CNGA4: variants seen among roughly 807,000 people sequenced by gnomAD.
CNGA4 encodes cyclic nucleotide-gated channel alpha-4.
Under a neutral mutation model 45.6 loss-of-function variants are expected in CNGA4, and 32 were observed. That is an observed-to-expected ratio of 0.70 (90% CI 0.53 to 0.94). The LOEUF (loss-of-function observed/expected upper bound fraction) is 0.94, where lower values mean the gene tolerates loss of function less well. CNGA4 is among the 40% of genes least tolerant of loss of function. The probability of loss-of-function intolerance (pLI) is 0.00; values close to 1 mark genes in which losing one functional copy is unlikely to be tolerated. For missense variants in CNGA4, 726 were observed against 755.1 expected, an observed-to-expected ratio of 0.96 and a Z score of 0.45; for synonymous variants, 293 against 304.6, an observed-to-expected ratio of 0.96 and a Z score of 0.40.
At position 6,240,453 on chromosome 11, in the gene CNGA4, A is replaced by C; in HGVS notation, c.659A>C (p.Tyr220Ser). Residue 220 changes from tyrosine (Y) to serine (S), a missense_variant, in exon 4 of 6, where the codon TAT (tyrosine) becomes TCT (serine). Transcript: ENST00000379936. The surrounding 1 kb of genome is among the most constrained non-coding windows in gnomAD (Gnocchi z 4.9). ...GAGCGCCTGCGGCGCCAGTACCTCT[A>C]TAGCTTTTACTTCTCCACGCTGATA... ...GFERLRRQYL[Y>S]SFYFSTLILT... 1 of 1,614,190 alleles carries C rather than the reference A, an allele frequency of 6.2e-7. No homozygotes were observed. The highest frequency in any genetic ancestry group is 8.5e-7 in the Non-Finnish European group (1 of 1,180,042).
rs928509559 is a variant in CNGA4 at position 6,240,196 on chromosome 11, G to A, written c.402G>A (p.Pro134=). The A allele has an allele frequency of 2.5e-6, 4 of 1,614,064 alleles. No homozygotes were observed. The highest frequency in any genetic ancestry group is 1.3e-5 in the African/African-American group (1 of 74,936). ...PTDVVYVRLG[P]HTPTLRLNRF... is the part of the protein sequence containing the mutation. ...ATGTGGTCTACGTGCGGCTGGGCCC[G>A]CACACACCCACCCTGAGGCTGAACC... The change falls in exon 4 of 6, where the codon CCG becomes CCA. Residue 134 remains proline, a synonymous_variant. Coordinates refer to ENST00000379936, the MANE Select transcript of CNGA4 (RefSeq NM_001037329.4). The surrounding 1 kb of genome is among the most constrained non-coding windows in gnomAD (Gnocchi z 4.9).
chr11:6,243,835 A>G, intron 5 of CNGA4, 114 bp from the exon 6 acceptor site: 3 of 920,462 alleles, frequency 3.3e-6, no homozygotes, highest in Non-Finnish European at 4.9e-6. Flanking sequence ...TTAATGAGGC[A>G]GAAGGAGAGG....
chr11:6,241,405 G>A (rs763343096), intron 4 of CNGA4, 26 bp from the exon 5 acceptor site: 3 of 1,540,322 alleles, frequency 1.9e-6, no homozygotes, highest in Admixed American at 1.9e-5. Flanking sequence ...GGGCTGGTAA[G>A]GAAATGGCAC....
upstream of CNGA4, among the ~76,000 whole-genome samples, chr11:6,238,000 C>T (rs1435441817): frequency 6.6e-6 from 1 of 152,214 alleles, no homozygotes; most frequent in Non-Finnish European, 1.5e-5. Flanking sequence ...GCCCAGTCAC[C>T]CACGCTTTTT....
intron 2 of CNGA4, 75 bp from the exon 3 acceptor site, chr11:6,239,609 G>A: frequency 6.4e-7 from 1 of 1,561,982 alleles, no homozygotes; most frequent in East Asian, 2.2e-5. Context: ...TGAGGCAGAG[G>A]GTTAAGGGCC....
At chr11:6,244,532 A>G (rs1847966202), downstream of CNGA4, 3 of 854,302 alleles carry the variant, frequency 3.5e-6, no homozygotes, top group Admixed American at 7.8e-5. This position sits in a 1 kb window ranked among gnomAD's most constrained non-coding sequence, Gnocchi z 4.5. Context: ...TGGTCTGTAG[A>G]TGCCCAGCTA....
rs368815107 is a variant in CNGA4 at position 6,244,060 on chromosome 11, C to T, written c.1379C>T (p.Ala460Val). 3.1e-6 allele frequency: 5 copies of T among 1,614,066 alleles called. No individual in the cohort carries two copies. In the African/African-American group the frequency reaches 6.7e-5, roughly 22 times the overall value. The change falls in exon 6 of 6, where the codon GCA becomes GTA. Residue 460 changes from alanine to valine, a missense_variant. By Grantham distance (64) the Ala-to-Val change is moderately conservative (BLOSUM62 0). Coordinates refer to ENST00000379936, the MANE Select transcript of CNGA4 (RefSeq NM_001037329.4). The surrounding 1 kb of genome is among the most constrained non-coding windows in gnomAD (Gnocchi z 4.5). ...GAGGTGCTGAGCGAGTATCCACAAG[C>T]ACAGACCATCATGGAGGAGAAAGGA... Reference protein sequence around the residue: ...LREVLSEYPQAQTIMEEKGRE... With the variant: ...LREVLSEYPQVQTIMEEKGRE...
At position 6,240,724 on chromosome 11, in the gene CNGA4, G is replaced by A. The variant is rs1590652457; in HGVS notation, c.917+13G>A. The A allele has an allele frequency of 6.2e-7, 1 of 1,607,832 alleles. No individual in the cohort carries two copies. Among genetic ancestry groups the A allele is most frequent in the Non-Finnish European group, 8.5e-7 (1 of 1,176,218 alleles). On this transcript the variant is annotated intron_variant, in intron 4 of 5. Transcript: ENST00000379936. This position sits in a 1 kb window ranked among gnomAD's most constrained non-coding sequence, Gnocchi z 4.9. ...GAGTTATTGACTGGTGAGAAGGCGG[G>A]GTTCCAGACCAGGACAGGGACCAGT...
chr11:6,237,128 G>C (rs2133871127), upstream of CNGA4, among the ~76,000 whole-genome samples: 1 of 152,328 alleles, frequency 6.6e-6, no homozygotes, highest in Non-Finnish European at 1.5e-5. Context: ...AAGAGAACCA[G>C]AGGGAAGCTG....
chr11:6,243,927 C>T (rs765255915), intron 5 of CNGA4, 22 bp from the exon 6 acceptor site: 2 of 1,603,848 alleles, frequency 1.2e-6, no homozygotes, highest in African/African-American at 1.3e-5. Flanking sequence ...ACTGTCCTCC[C>T]ATCTCTGCCC....
chr11:6,238,944 G>T, upstream of CNGA4: 1 of 950,994 alleles, frequency 1.1e-6, no homozygotes, highest in Non-Finnish European at 1.4e-6. Flanking sequence ...CCTTCTCCAG[G>T]GATCTCATTA....
Position 6,244,349 on chromosome 11 carries a change from G to A in CNGA4, c.1668G>A (p.Glu556=), listed in dbSNP as rs1196057517. The change falls in exon 6 of 6, where the codon GAG becomes GAA. Residue 556 remains glutamate (E), a synonymous_variant. Transcript: ENST00000379936. This position sits in a 1 kb window ranked among gnomAD's most constrained non-coding sequence, Gnocchi z 4.5. ...AEADDEGEPE[E]GTSKDEEGRA... ...CTGATGACGAGGGTGAGCCTGAGGA[G>A]GGAACTTCCAAAGATGAAGAGGGCA... 2 of 1,613,938 alleles carry A rather than the reference G, an allele frequency of 1.2e-6. No individual in the cohort carries two copies. Among genetic ancestry groups the A allele is most frequent in the Non-Finnish European group, 8.5e-7 (1 of 1,180,020 alleles).
chr11:6,240,027 C>A lies in CNGA4; in HGVS notation c.272-39C>A. 1.3e-6 allele frequency: 2 copies of A among 1,570,594 alleles called. No individual in the cohort carries two copies. Among genetic ancestry groups the A allele is most frequent in the Non-Finnish European group, 1.7e-6 (2 of 1,157,984 alleles). ...CAGCTCATGCTCAGCCCAAGCTTGA[C>A]TACAGCAGGTCCGCTTCCTACCGGC... On this transcript the variant is annotated intron_variant, in intron 3 of 5. Coordinates refer to ENST00000379936, the MANE Select transcript of CNGA4 (RefSeq NM_001037329.4). The surrounding 1 kb of genome is among the most constrained non-coding windows in gnomAD (Gnocchi z 4.9).
At chr11:6,241,831 G>T (rs772371552) in intron 5 of CNGA4, 51 bp downstream of exon 5, 262 of 1,527,696 alleles carry the variant, frequency 1.7e-4, no homozygotes, top group Non-Finnish European at 2.2e-4. Flanking sequence ...GGGTAGGGGG[G>T]AACAGCAGAG....
At chr11:6,237,485 TG>T (rs1290003680), upstream of CNGA4, among the ~76,000 whole-genome samples, 1 of 151,382 alleles carries the variant, frequency 6.6e-6, no homozygotes, top group Non-Finnish European at 1.5e-5. Context: ...GGAAGTCCTG[TG>T]GGTGACTGAC....
At chr11:6,244,795 T>G (rs1002003578), downstream of CNGA4, among the ~76,000 whole-genome samples, 16 of 152,164 alleles carry the variant, frequency 1.1e-4, no homozygotes, top group African/African-American at 3.9e-4. The surrounding 1 kb of genome is among the most constrained non-coding windows in gnomAD (Gnocchi z 4.5). Context: ...AACACACATA[T>G]GCTGACAGTC....
rs61540754 is a variant in CNGA4 at position 6,243,048 on chromosome 11, G to A, written c.1268-901G>A. On this transcript the variant is annotated intron_variant, in intron 5 of 5. Transcript: ENST00000379936. The stretch of plus-strand genomic sequence containing the variant: ...ACCCTCCCCACACTCTGCGCTTCTC[G>A]CACTCTGAACTGCTTACTATTTTCT... 8.5e-3 allele frequency among the ~76,000 whole-genome samples: 1,288 copies of A among 152,080 alleles called. 18 individuals are homozygous for A. Among genetic ancestry groups the A allele is most frequent in the African/African-American group, 0.028 (1,167 of 41,484 alleles).
At chr11:6,235,392 A>C (rs1590646006), upstream of CNGA4, 1 of 828,388 alleles carries the variant, frequency 1.2e-6, no homozygotes, top group African/African-American at 1.8e-5. Flanking sequence ...TTCCGGATCA[A>C]TTAGAACCGG....
At position 6,242,070 on chromosome 11, in the gene CNGA4, G is replaced by GATA. The variant is rs1185174411; in HGVS notation, c.1267+306_1267+308dup. The GATA allele has an allele frequency of 7.4e-4, 346 of 465,066 alleles. 1 individual carries two copies. Among genetic ancestry groups the GATA allele is most frequent in the African/African-American group, 6.1e-3 (312 of 50,882 alleles). The allele number at this position is 465,066 out of a possible 1,614,324, so 28.8% of individuals were successfully genotyped here. On this transcript the variant is annotated intron_variant, in intron 5 of 5. Transcript: ENST00000379936. ...CAATAGACTAGTGGACAGTGATAGAGATAATAATAATAATAATAGCTAATA... is the reference window on the plus strand; with the variant it reads ...CAATAGACTAGTGGACAGTGATAGAGATAATAATAATAATAATAATAGCTAATA...
Sources: allele counts gnomAD v4.1 joint callset (sites outside exome capture counted in the v4.1 genomes callset), GRCh38; gene constraint gnomAD v4.1.1; non-coding constraint Gnocchi (gnomAD v3.1); transcripts MANE v1.5; gene names NCBI Gene and HGNC (gene_info 2026-07-23, HGNC 2026-07-21).